Variants in ZFYVE9 observed in about 807,000 individuals in gnomAD.
ZFYVE9 encodes zinc finger FYVE-type containing 9.
A neutral mutation model predicts 126.7 loss-of-function variants in ZFYVE9; 43 were observed. That is an observed-to-expected ratio of 0.34 (90% CI 0.27 to 0.44). The LOEUF (loss-of-function observed/expected upper bound fraction) is 0.44, where lower values mean the gene tolerates loss of function less well. Ranked by LOEUF, ZFYVE9 falls within the 20% of genes least tolerant of loss-of-function variation. The pLI is 1.00. For synonymous variants in ZFYVE9, 521 were observed against 597.4 expected (o/e 0.87, Z 1.87); for missense variants, 1,476 against 1,697.0 (o/e 0.87, Z 2.29).
At chr1:52,298,665 T>G (rs1646001214) in intron 12 of ZFYVE9, among the ~76,000 whole-genome samples, 1 of 152,172 alleles carries the variant, frequency 6.6e-6, no homozygotes, top group African/African-American at 2.4e-5. Context: ...GTTTTGGTTT[T>G]TTTTTCTGTT....
In ZFYVE9 at chr1:52,218,219, C is replaced by T. The variant is rs570492919; in HGVS notation, c.-37+1745C>T. ...AGCCATGGCCAGTTGAATCAGAGCACAAGTGCCACTCCAGTTGCTTGGCAG... is the reference window on the plus strand; with the variant it reads ...AGCCATGGCCAGTTGAATCAGAGCATAAGTGCCACTCCAGTTGCTTGGCAG... On this transcript the variant is annotated intron_variant, in intron 2 of 18. Transcript: ENST00000287727. 3.3e-5 allele frequency among the ~76,000 whole-genome samples: 5 copies of T among 152,226 alleles called. No homozygotes were observed. In the East Asian group the frequency reaches 9.7e-4, roughly 29 times the overall value.
chr1:52,247,993 A>G (rs531012905), intron 4 of ZFYVE9, among the ~76,000 whole-genome samples: 3 of 152,280 alleles, frequency 2.0e-5, no homozygotes, highest in African/African-American at 4.8e-5. Flanking sequence ...GACAGAACCA[A>G]TAGGATGTGG....
Position 52,278,494 on chromosome 1 carries a change from T to A in ZFYVE9, c.2749T>A (p.Tyr917Asn), listed in dbSNP as rs1360369217. ...ILISTGVKGDYAVEEKPSQIS... is the reference protein window; with the variant it reads ...ILISTGVKGDNAVEEKPSQIS... ...TACATTGTTTTCTCCCCTTTCAGAC[T>A]ATGCTGTGGAAGAGAAACCATCACA... Residue 917 changes from tyrosine to asparagine, a missense_variant and splice_region_variant, in exon 9 of 19, where the codon TAT becomes AAT. Transcript: ENST00000287727. 12 of 1,614,036 alleles carry A rather than the reference T, an allele frequency of 7.4e-6. No individual in the cohort carries two copies. The highest frequency in any genetic ancestry group is 1.0e-5 in the Non-Finnish European group (12 of 1,180,024).
In ZFYVE9 at chr1:52,263,764, C is replaced by CCA; in HGVS notation, c.2179-8_2179-7insAC. The CCA allele has an allele frequency of 9.3e-7, 1 of 1,078,516 alleles. No homozygotes were observed. 66.8% of individuals were successfully genotyped at this position (1,078,516 alleles called of 1,614,324 possible). On this transcript the variant is annotated splice_polypyrimidine_tract_variant and intron_variant, in intron 4 of 18. Transcript: ENST00000287727. The stretch of plus-strand genomic sequence containing the variant: ...ATTTTGTGTGTTCTTCCCCCCCCCC[C>CCA]CCCCACAGGTTTTCTGTGCTTCCTG...
At chr1:52,185,145 C>G (rs1251990388) in intron 1 of ZFYVE9, among the ~76,000 whole-genome samples, 1 of 152,172 alleles carries the variant, frequency 6.6e-6, no homozygotes. Context: ...CAGGTTTATG[C>G]TTTTCTTAAG....
At chr1:52,165,116 T>C (rs1338966602) in intron 1 of ZFYVE9, among the ~76,000 whole-genome samples, 2 of 151,936 alleles carry the variant, frequency 1.3e-5, no homozygotes, top group Non-Finnish European at 2.9e-5. Context: ...TAAAAAAAAA[T>C]CCAGAAAATA....
intron 4 of ZFYVE9, among the ~76,000 whole-genome samples, chr1:52,256,217 C>T (rs1645517790): frequency 6.6e-6 from 1 of 151,834 alleles, no homozygotes; most frequent in Non-Finnish European, 1.5e-5. Context: ...AGGCGTGTGC[C>T]ACCACCACGC....
In ZFYVE9 at chr1:52,145,188, T is replaced by C. The variant is rs557946867; in HGVS notation, c.-143+2785T>C. 1.8e-3 allele frequency among the ~76,000 whole-genome samples: 275 copies of C among 152,332 alleles called. 1 individual carries two copies. The highest frequency in any genetic ancestry group is 6.3e-3 in the African/African-American group (263 of 41,582). On this transcript the variant is annotated intron_variant, in intron 1 of 18. Coordinates refer to ENST00000287727, the MANE Select transcript of ZFYVE9 (RefSeq NM_004799.4). ...ATTCCTTTCTCTTCCAATTCCTGAT[T>C]CAGTGTTTTCTTTAAGGAAATAATT... is the stretch of plus-strand genomic sequence containing the variant.
chr1:52,228,732 A>G (rs1311392667), intron 2 of ZFYVE9, among the ~76,000 whole-genome samples: 2 of 152,170 alleles, frequency 1.3e-5, no homozygotes, highest in Non-Finnish European at 2.9e-5. Flanking sequence ...TGTGTCACCC[A>G]ATGTATCGTC....
intron 1 of ZFYVE9, among the ~76,000 whole-genome samples, chr1:52,182,765 TAAAAAAA>T (rs34582292): frequency 6.7e-6 from 1 of 150,334 alleles, no homozygotes; most frequent in African/African-American, 2.4e-5. Flanking sequence ...AAATAAAAAA[TAAAAAAA>T]AATAAATATT....
chr1:52,303,713 G>C, intron 12 of ZFYVE9, 108 bp from the exon 13 acceptor site: 1 of 597,156 alleles, frequency 1.7e-6, no homozygotes, highest in Non-Finnish European at 2.7e-6. Context: ...TAAATAAATA[G>C]GATCTTTCAA....
At chr1:52,287,507 TAGG>T (rs57308286) in intron 10 of ZFYVE9, among the ~76,000 whole-genome samples, 5,475 of 152,102 alleles carry the variant, frequency 0.036, 240 homozygotes, top group African/African-American at 0.11. Context: ...AGAACAATAT[TAGG>T]AGGTGGGACC....
intron 1 of ZFYVE9, among the ~76,000 whole-genome samples, chr1:52,200,781 T>C (rs1351590927): frequency 1.3e-5 from 2 of 152,226 alleles, no homozygotes. Context: ...TGTATTGCTT[T>C]TGCTTTTTTG....
At chr1:52,333,936 C>CAA (rs1246762778) in intron 14 of ZFYVE9, among the ~76,000 whole-genome samples, 4 of 151,670 alleles carry the variant, frequency 2.6e-5, no homozygotes, top group African/African-American at 9.7e-5. Flanking sequence ...ACTAAAAATA[C>CAA]AAAAAAGTTA....
intron 1 of ZFYVE9, among the ~76,000 whole-genome samples, chr1:52,198,675 C>G (rs1472074944): frequency 1.3e-5 from 2 of 152,172 alleles, no homozygotes; most frequent in Admixed American, 6.5e-5. Flanking sequence ...CTTGCATTGA[C>G]TGGATCAGTA....
At chr1:52,157,394 C>CTTTTTTTTTTTTTTT (rs71579908) in intron 1 of ZFYVE9, among the ~76,000 whole-genome samples, 2 of 58,444 alleles carry the variant, frequency 3.4e-5, no homozygotes, top group Non-Finnish European at 5.6e-5. Context: ...ACCATATTCT[C>CTTTTTTTTTTTTTTT]TTTTTTTTTT....
At chr1:52,247,146 C>T (rs1645394518) in intron 4 of ZFYVE9, among the ~76,000 whole-genome samples, 1 of 152,176 alleles carries the variant, frequency 6.6e-6, no homozygotes, top group Non-Finnish European at 1.5e-5. Flanking sequence ...GATTTTAAAA[C>T]ATGGCCACTG....
At chr1:52,207,903 G>T (rs1056217076) in intron 1 of ZFYVE9, among the ~76,000 whole-genome samples, 5 of 152,184 alleles carry the variant, frequency 3.3e-5, no homozygotes, top group African/African-American at 1.2e-4. Context: ...GTCTGTGCAA[G>T]GCACTTTATA....
chr1:52,264,831 CCA>C (rs1645617113), intron 5 of ZFYVE9, among the ~76,000 whole-genome samples: 2 of 152,146 alleles, frequency 1.3e-5, no homozygotes, highest in African/African-American at 4.8e-5. Context: ...TATGATCCAC[CCA>C]GTTTCCTCCC....
Sources: allele counts gnomAD v4.1 joint callset (sites outside exome capture counted in the v4.1 genomes callset), GRCh38; gene constraint gnomAD v4.1.1; transcripts MANE v1.5; gene names NCBI Gene and HGNC (gene_info 2026-07-23, HGNC 2026-07-21).